The following KCNH7 variants were observed in gnomAD, a reference collection of about 807,000 sequenced individuals.
The protein encoded by KCNH7 is voltage-gated inwardly rectifying potassium channel KCNH7.
In KCNH7, 49 loss-of-function variants were observed where a neutral mutation model predicts 120.8. The ratio of observed to expected loss-of-function variants is 0.41; its 90% CI spans 0.32 to 0.51. The LOEUF is 0.51. Ranked by LOEUF, KCNH7 falls within the 20% of genes least tolerant of loss-of-function variation. The probability of loss-of-function intolerance (pLI) is 0.38; values close to 1 mark genes in which losing one functional copy is unlikely to be tolerated. For missense variants in KCNH7, 1,097 were observed against 1,446.6 expected, an observed-to-expected ratio of 0.76 and a Z score of 3.92; for synonymous variants, 547 against 516.1, an observed-to-expected ratio of 1.06 and a Z score of -0.81.
intron 2 of KCNH7, among the ~76,000 whole-genome samples, chr2:162,605,648 G>A (rs141249066): frequency 3.9e-4 from 60 of 152,226 alleles, no homozygotes; most frequent in African/African-American, 1.4e-3. Flanking sequence ...CTAGATGCCT[G>A]GAAGGTGATA....
chr2:162,489,144 T>A (rs985344116), intron 6 of KCNH7, among the ~76,000 whole-genome samples: 2 of 152,248 alleles, frequency 1.3e-5, no homozygotes, highest in Non-Finnish European at 2.9e-5. Context: ...AATTAAAAAT[T>A]CCACACTTCT....
chr2:162,506,513 A>C (rs1401213469), intron 5 of KCNH7, among the ~76,000 whole-genome samples: 1 of 151,762 alleles, frequency 6.6e-6, no homozygotes, highest in Non-Finnish European at 1.5e-5. Flanking sequence ...TTCAATCCTT[A>C]GGTTATTTAA....
At chr2:162,661,007 C>T (rs1276707690) in intron 2 of KCNH7, among the ~76,000 whole-genome samples, 1 of 152,102 alleles carries the variant, frequency 6.6e-6, no homozygotes, top group African/African-American at 2.4e-5. Flanking sequence ...AGGAATCTAT[C>T]TTACAGTAAC....
chr2:162,375,449 C>T (rs1433414700), intron 14 of KCNH7, among the ~76,000 whole-genome samples: 1 of 152,164 alleles, frequency 6.6e-6, no homozygotes, highest in Non-Finnish European at 1.5e-5. Context: ...GAAGGTGAGG[C>T]TTCAGCATCC....
intron 2 of KCNH7, among the ~76,000 whole-genome samples, chr2:162,617,200 C>G (rs530146765): frequency 6.6e-6 from 1 of 152,280 alleles, no homozygotes; most frequent in Non-Finnish European, 1.5e-5. Context: ...GAAAAGCAGG[C>G]TGGGCGTGGT....
At chr2:162,531,650 T>G (rs1691929509) in intron 3 of KCNH7, among the ~76,000 whole-genome samples, 2 of 151,998 alleles carry the variant, frequency 1.3e-5, no homozygotes, top group South Asian at 4.1e-4. Flanking sequence ...GCTCAATTTT[T>G]TTTTCTAAAT....
chr2:162,471,511 G>A (rs1467893780), intron 6 of KCNH7, among the ~76,000 whole-genome samples: 1 of 151,872 alleles, frequency 6.6e-6, no homozygotes, highest in East Asian at 1.9e-4. Flanking sequence ...CAGATTCTGT[G>A]GAGTTTTACG....
chr2:162,416,116 C>T (rs1687535373), intron 9 of KCNH7, among the ~76,000 whole-genome samples: 1 of 152,126 alleles, frequency 6.6e-6, no homozygotes, highest in African/African-American at 2.4e-5. Context: ...ATAGGCTGGG[C>T]GTAGTGGCTC....
chr2:162,431,241 G>C (rs1023487745), intron 8 of KCNH7, among the ~76,000 whole-genome samples: 1 of 151,916 alleles, frequency 6.6e-6, no homozygotes, highest in East Asian at 1.9e-4. Context: ...ATAAAGATTA[G>C]AGTTAAACAC....
chr2:162,752,929 A>AAAAGAAAAGAAAAG (rs1688624239), intron 2 of KCNH7, among the ~76,000 whole-genome samples: 2 of 81,768 alleles, frequency 2.4e-5, no homozygotes, highest in African/African-American at 7.8e-5. Flanking sequence ...AAAAGAAAAG[A>AAAAGAAAAGAAAAG]AAAGAAAAGA....
Position 162,807,091 on chromosome 2 carries a change from A to C in KCNH7, c.307+29446T>G, listed in dbSNP as rs150610560. On this transcript the variant is annotated intron_variant, in intron 2 of 15. Transcript: ENST00000332142. Reference sequence around the variant, plus strand: ...TCAAAATGCAATCGATGACCACTAGATACTCTTTTGCAAAAAACAAAAACA... The same window carrying C: ...TCAAAATGCAATCGATGACCACTAGCTACTCTTTTGCAAAAAACAAAAACA... Among the ~76,000 whole-genome samples the C allele has an allele frequency of 7.1e-3, 1,084 of 151,728 alleles. 2 individuals carry two copies. Among genetic ancestry groups the C allele is most frequent in the Non-Finnish European group, 0.011 (769 of 67,910 alleles).
intron 2 of KCNH7, among the ~76,000 whole-genome samples, chr2:162,617,691 C>T (rs1683199333): frequency 6.6e-6 from 1 of 151,976 alleles, no homozygotes. Flanking sequence ...TGTCTGGCAA[C>T]CGATATTAGT....
intron 8 of KCNH7, among the ~76,000 whole-genome samples, chr2:162,432,979 G>A (rs1050306871): frequency 6.6e-6 from 1 of 151,944 alleles, no homozygotes; most frequent in Admixed American, 6.6e-5. Context: ...GCAAAAATTA[G>A]TAGCATTTCA....
intron 12 of KCNH7, among the ~76,000 whole-genome samples, chr2:162,389,809 C>A (rs1425451241): frequency 6.6e-6 from 1 of 151,932 alleles, no homozygotes; most frequent in Non-Finnish European, 1.5e-5. Flanking sequence ...TGTAGAAACA[C>A]TTTTTTCTGC....
intron 2 of KCNH7, among the ~76,000 whole-genome samples, chr2:162,550,105 C>T (rs895226218): frequency 2.6e-5 from 4 of 152,064 alleles, no homozygotes; most frequent in Non-Finnish European, 1.5e-5. Flanking sequence ...GAGGCCATAG[C>T]GGTGTGGAAT....
At chr2:162,656,596 T>C (rs1336776594) in intron 2 of KCNH7, among the ~76,000 whole-genome samples, 1 of 152,200 alleles carries the variant, frequency 6.6e-6, no homozygotes, top group Non-Finnish European at 1.5e-5. Context: ...CTATTCTCCT[T>C]TCCACTTCTA....
intron 2 of KCNH7, among the ~76,000 whole-genome samples, chr2:162,543,681 T>G (rs902652119): frequency 3.9e-5 from 6 of 152,268 alleles, no homozygotes; most frequent in South Asian, 2.1e-4. Context: ...GACTTGGCTC[T>G]ACTATTATTT....
intron 6 of KCNH7, among the ~76,000 whole-genome samples, chr2:162,470,057 C>T (rs1689451594): frequency 6.6e-6 from 1 of 152,212 alleles, no homozygotes; most frequent in Non-Finnish European, 1.5e-5. Context: ...CGGCTCGCTA[C>T]AACCTCCATC....
At chr2:162,448,360 G>A (rs780088415) in intron 6 of KCNH7, among the ~76,000 whole-genome samples, 1 of 151,920 alleles carries the variant, frequency 6.6e-6, no homozygotes, top group Non-Finnish European at 1.5e-5. Flanking sequence ...CTTTATTTTG[G>A]CTTTCAAAGT....
Sources: allele counts gnomAD v4.1 joint callset (sites outside exome capture counted in the v4.1 genomes callset), GRCh38; gene constraint gnomAD v4.1.1; transcripts MANE v1.5; gene names NCBI Gene and HGNC (gene_info 2026-07-23, HGNC 2026-07-21).